The following ERO1B variants were observed in gnomAD, a reference collection of about 807,000 sequenced individuals.
The protein encoded by ERO1B is ERO1-like protein beta.
A neutral mutation model predicts 75.3 loss-of-function variants in ERO1B; 49 were observed. The observed-to-expected ratio is 0.65, with a 90% CI of 0.52 to 0.83. ERO1B has a LOEUF of 0.83. ERO1B is among the 40% of genes least tolerant of loss of function. ERO1B has a pLI of 0.00. For synonymous variants in ERO1B, 191 were observed against 192.9 expected, an observed-to-expected ratio of 0.99 and a Z score of 0.08; for missense variants, 512 against 560.1, an observed-to-expected ratio of 0.91 and a Z score of 0.87.
Position 236,249,921 on chromosome 1 carries a change from T to C in ERO1B, c.395A>G (p.Gln132Arg). 2 of 1,604,076 alleles carry C rather than the reference T, an allele frequency of 1.2e-6. No individual in the cohort carries two copies. The highest frequency in any genetic ancestry group is 1.7e-6 in the Non-Finnish European group (2 of 1,176,192). ...NNTKELEDCE[Q>R]ANKLGAINST... Reference sequence around the variant, plus strand: ...GTTAATTGCTCCCAGTTTATTAGCTTGCTCACAATCTTCTAATTCTTTGGT... The same window carrying C: ...GTTAATTGCTCCCAGTTTATTAGCTCGCTCACAATCTTCTAATTCTTTGGT... Residue 132 changes from glutamine (Q) to arginine (R), a missense_variant, in exon 5 of 16, where the codon CAA becomes CGA. By Grantham distance (43) the Gln-to-Arg change is conservative. Transcript: ENST00000354619.
intron 6 of ERO1B, among the ~76,000 whole-genome samples, chr1:236,239,291 A>G (rs1664623325): frequency 6.6e-6 from 1 of 152,124 alleles, no homozygotes; most frequent in Non-Finnish European, 1.5e-5. Flanking sequence ...TATTTTTGTA[A>G]ATAAAGTTTT....
chr1:236,257,683 G>A lies in ERO1B; in HGVS notation c.223-4178C>T, dbSNP rs1274379049. On this transcript the variant is annotated intron_variant, in intron 2 of 15. Transcript: ENST00000354619. Reference sequence around the variant, plus strand: ...AGATGCTCACTGAGGTAAGGAGTGCGATGCATGAACAAATTGAGAATATCA... The same window carrying A: ...AGATGCTCACTGAGGTAAGGAGTGCAATGCATGAACAAATTGAGAATATCA... 7.9e-5 allele frequency among the ~76,000 whole-genome samples: 12 copies of A among 151,828 alleles called. No homozygotes were observed. In the East Asian group the frequency reaches 1.4e-3, roughly 17 times the overall value.
At position 236,215,500 on chromosome 1, in the gene ERO1B, C is replaced by T. The variant is rs2102933747; in HGVS notation, c.*3016G>A. Reference sequence around the variant, plus strand: ...CTTCTCCACAGGTTACAATCAAATTCTCATGCCATAAAAAGAAACACTTAA... The same window carrying T: ...CTTCTCCACAGGTTACAATCAAATTTTCATGCCATAAAAAGAAACACTTAA... On this transcript the variant is annotated 3_prime_UTR_variant, in exon 16 of 16. Transcript: ENST00000354619. The T allele has an allele frequency of 6.6e-6, 1 of 152,214 alleles. No homozygotes were observed. Among genetic ancestry groups the T allele is most frequent in the East Asian group, 1.9e-4 (1 of 5,192 alleles). The allele number at this position is 152,214 out of a possible 1,614,324, so 9.4% of individuals were successfully genotyped here. A position where few individuals can be genotyped will look rare whatever the true frequency, so the allele number is the denominator to read the frequency against.
chr1:236,269,648 T>C (rs1408363183), intron 2 of ERO1B, among the ~76,000 whole-genome samples: 1 of 152,218 alleles, frequency 6.6e-6, no homozygotes. Flanking sequence ...CAGTAGTCTC[T>C]GCCTAAAAAC....
intron 6 of ERO1B, among the ~76,000 whole-genome samples, chr1:236,240,165 A>G (rs959567295): frequency 6.6e-6 from 1 of 151,998 alleles, no homozygotes; most frequent in African/African-American, 2.4e-5. Context: ...TCAGCCTCCC[A>G]AAGTGCTGGG....
At chr1:236,264,397 C>T (rs558728458) in intron 2 of ERO1B, among the ~76,000 whole-genome samples, 19 of 152,296 alleles carry the variant, frequency 1.2e-4, no homozygotes, top group South Asian at 6.2e-4. Flanking sequence ...GCAGAAGCCA[C>T]CATGCCCAGA....
In ERO1B at chr1:236,257,997, CA is replaced by C. The variant is rs555355276; in HGVS notation, c.223-4493del. On this transcript the variant is annotated intron_variant, in intron 2 of 15. Transcript: ENST00000354619. ...GAAGGAGAAGAAAGAGAAAAAGGGA[CA>C]AAAAAAATTCAAAGAAAAAGTGGCA... Among the ~76,000 whole-genome samples, 85 of 147,662 alleles carry C rather than the reference CA, an allele frequency of 5.8e-4. No homozygotes were observed. In the East Asian group the frequency reaches 9.0e-3, roughly 16 times the overall value.
rs1459190526 is a variant in ERO1B, at chr1:236,217,101, T to G, written c.*1415A>C. Reference sequence around the variant, plus strand: ...GGTGAGCCAAGCCAACTAAATACAATTTTTTAGATGTCACCAAATCATCAA... The same window carrying G: ...GGTGAGCCAAGCCAACTAAATACAAGTTTTTAGATGTCACCAAATCATCAA... On this transcript the variant is annotated 3_prime_UTR_variant, in exon 16 of 16. Coordinates refer to ENST00000354619, the MANE Select transcript of ERO1B (RefSeq NM_019891.4). 1 of 152,090 alleles carries G rather than the reference T, an allele frequency of 6.6e-6. No individual in the cohort carries two copies. The highest frequency in any genetic ancestry group is 1.9e-4 in the East Asian group (1 of 5,178). 9.4% of individuals were successfully genotyped at this position (152,090 alleles called of 1,614,324 possible). A position where few individuals can be genotyped will look rare whatever the true frequency, so the allele number is the denominator to read the frequency against.
intron 2 of ERO1B, among the ~76,000 whole-genome samples, chr1:236,264,643 A>G (rs560540475): frequency 6.6e-6 from 1 of 152,234 alleles, no homozygotes; most frequent in East Asian, 1.9e-4. Flanking sequence ...CAGGAGTTCA[A>G]GACCAACCTG....
At chr1:236,223,202 CAA>C (rs11322079) in intron 13 of ERO1B, among the ~76,000 whole-genome samples, 55 of 80,932 alleles carry the variant, frequency 6.8e-4, no homozygotes, top group Admixed American at 8.5e-4. Context: ...AACTCTGTCT[CAA>C]AAAAAAAAAA....
intron 6 of ERO1B, among the ~76,000 whole-genome samples, chr1:236,237,457 A>AT (rs1664573395): frequency 6.6e-6 from 1 of 152,160 alleles, no homozygotes; most frequent in Non-Finnish European, 1.5e-5. Flanking sequence ...AATACAAAAG[A>AT]TTTTAAAAAT....
chr1:236,221,776 T>TATTAAC, intron 14 of ERO1B, 148 bp downstream of exon 14: 3 of 631,206 alleles, frequency 4.8e-6, no homozygotes, highest in Non-Finnish European at 8.4e-6. Flanking sequence ...TATACTTTAA[T>TATTAAC]TTTTTCATCA....
At chr1:236,258,958 C>T (rs1399307086) in intron 2 of ERO1B, among the ~76,000 whole-genome samples, 1 of 152,028 alleles carries the variant, frequency 6.6e-6, no homozygotes, top group Non-Finnish European at 1.5e-5. Flanking sequence ...AAACTCAGAA[C>T]ACTATTATAC....
At position 236,221,165 on chromosome 1, in the gene ERO1B, A is replaced by T. The variant is rs140250834; in HGVS notation, c.1210-200T>A. On this transcript the variant is annotated intron_variant, in intron 14 of 15. Transcript: ENST00000354619. ...CATCTGAGCAGTTAAGGAAACCTGA[A>T]TAGTCTTAACACTTATTGAATACAT... 9.5e-4 allele frequency among the ~76,000 whole-genome samples: 144 copies of T among 152,306 alleles called. 1 individual carries two copies. Among genetic ancestry groups the T allele is most frequent in the African/African-American group, 3.3e-3 (137 of 41,588 alleles).
intron 6 of ERO1B, among the ~76,000 whole-genome samples, chr1:236,237,012 T>C (rs1664562208): frequency 6.6e-6 from 1 of 151,982 alleles, no homozygotes; most frequent in Non-Finnish European, 1.5e-5. Context: ...AACTAAAACA[T>C]AGTAGGCACA....
At chr1:236,281,053 A>AC (rs948623580) in intron 1 of ERO1B, among the ~76,000 whole-genome samples, 1 of 151,404 alleles carries the variant, frequency 6.6e-6, no homozygotes, top group East Asian at 1.9e-4. Context: ...CCCCACTCAG[A>AC]CCCCCCCAGT....
intron 5 of ERO1B, among the ~76,000 whole-genome samples, chr1:236,243,964 T>A (rs1664775020): frequency 6.6e-6 from 1 of 152,162 alleles, no homozygotes; most frequent in Non-Finnish European, 1.5e-5. Flanking sequence ...CAATGTGGTA[T>A]TCACTGGTTA....
intron 13 of ERO1B, among the ~76,000 whole-genome samples, chr1:236,224,573 T>C (rs1476484346): frequency 6.6e-6 from 1 of 152,172 alleles, no homozygotes; most frequent in Non-Finnish European, 1.5e-5. Flanking sequence ...ACACCTAACA[T>C]GAAGTTTGGT....
intron 12 of ERO1B, among the ~76,000 whole-genome samples, chr1:236,225,706 G>A (rs1028797223): frequency 6.6e-6 from 1 of 152,194 alleles, no homozygotes; most frequent in Non-Finnish European, 1.5e-5. Flanking sequence ...AGGCAGAGGA[G>A]GGTGCATCAC....
Sources: allele counts gnomAD v4.1 joint callset (sites outside exome capture counted in the v4.1 genomes callset), GRCh38; gene constraint gnomAD v4.1.1; transcripts MANE v1.5; gene names NCBI Gene and HGNC (gene_info 2026-07-23, HGNC 2026-07-21).